Variants in MICA observed in about 807,000 individuals in gnomAD.
MICA encodes MHC class I polypeptide-related sequence A, also known as HLA class I antigen.
MICA carries 18 observed loss-of-function variants against 34.3 expected under a neutral mutation model. The observed-to-expected ratio is 0.52, with a 90% confidence interval of 0.36 to 0.78. MICA has a LOEUF of 0.78. Among genes scored for constraint, MICA ranks in the 30% least tolerant of loss-of-function variants. The pLI, the probability that MICA is intolerant of heterozygous loss-of-function variation, is 0.00. For missense variants in MICA, 333 were observed against 409.4 expected (o/e 0.81, Z 1.61); for synonymous variants, 135 against 156.9 (o/e 0.86, Z 1.04).
chr6:31,412,382 CT>C lies in MICA; in HGVS notation c.951del (p.Gly318AlafsTer68), dbSNP rs41557819. On this transcript the variant is annotated frameshift_variant, in exon 5 of 6. Transcript: ENST00000449934. LOFTEE classifies it high-confidence loss of function. ...WQTFHVSAVA[A>X]GCCYFCYYYF... ...ACATTCCATGTTTCTGCTGTTGCTG[CT>C]GGCTGCTGCTATTTTTGTTATTATT... 19 of 1,210,692 alleles carry C rather than the reference CT, an allele frequency of 1.6e-5. No homozygotes were observed. Among genetic ancestry groups the C allele is most frequent in the Admixed American group, 2.7e-5 (1 of 37,614 alleles). 75.0% of individuals were successfully genotyped at this position (1,210,692 alleles called of 1,614,324 possible).
rs1771071543 is a variant in MICA at position 31,410,698 on chromosome 6, G to T, written c.226G>T (p.Val76Phe). The stretch of plus-strand genomic sequence containing the variant: ...GCCCCAGGGACAGTGGGCAGAAGAT[G>T]TCCTGGGAAATAAGACATGGGACAG... ...AKPQGQWAED[V>F]LGNKTWDRET... Residue 76 changes from valine to phenylalanine, a missense_variant, in exon 2 of 6, where the codon GTC (valine) becomes TTC (phenylalanine). Transcript: ENST00000449934. 1 of 1,613,012 alleles carries T rather than the reference G, an allele frequency of 6.2e-7. No individual in the cohort carries two copies. Among genetic ancestry groups the T allele is most frequent in the Non-Finnish European group, 8.5e-7 (1 of 1,179,868 alleles).
At chr6:31,407,473 T>C (rs1770812960) in intron 1 of MICA, among the ~76,000 whole-genome samples, 1 of 151,910 alleles carries the variant, frequency 6.6e-6, no homozygotes, top group East Asian at 1.9e-4. Flanking sequence ...TGACCTCAGG[T>C]GATCCACCTG....
rs1770594111 is a variant in MICA at position 31,403,861 on chromosome 6, C to A, written c.70+159C>A. On this transcript the variant is annotated intron_variant, in intron 1 of 5. Transcript: ENST00000449934. This position sits in a 1 kb window ranked among gnomAD's most constrained non-coding sequence, Gnocchi z 4.7. ...GCGGCCCGTTACCGCCACACTTCAG[C>A]CCTGCTTCCCCGTCACTTTTCAGTC... Among the ~76,000 whole-genome samples, 1 of 151,828 alleles carries A rather than the reference C, an allele frequency of 6.6e-6. No individual in the cohort carries two copies. The highest frequency in any genetic ancestry group is 1.5e-5 in the Non-Finnish European group (1 of 67,992).
chr6:31,411,186 C>G lies in MICA; in HGVS notation c.440C>G (p.Thr147Ser). ...GELFLSQNLE[T>S]EEWTVPQSSR... Reference sequence around the variant, plus strand: ...CTCTTCCTCTCCCAAAACCTGGAGACTGAGGAATGGACAGTGCCCCAGTCC... The same window carrying G: ...CTCTTCCTCTCCCAAAACCTGGAGAGTGAGGAATGGACAGTGCCCCAGTCC... Residue 147 changes from threonine (T) to serine (S), a missense_variant, in exon 3 of 6, where the codon ACT becomes AGT. Transcript: ENST00000449934. This position sits in a 1 kb window ranked among gnomAD's most constrained non-coding sequence, Gnocchi z 4.3. 6.2e-7 allele frequency: 1 copy of G among 1,613,424 alleles called. No individual in the cohort carries two copies. The highest frequency in any genetic ancestry group is 8.5e-7 in the Non-Finnish European group (1 of 1,179,972).
chr6:31,405,855 G>A (rs996052857), intron 1 of MICA, among the ~76,000 whole-genome samples: 3 of 151,740 alleles, frequency 2.0e-5, no homozygotes, highest in African/African-American at 7.3e-5. Flanking sequence ...CACTTCACAG[G>A]ATGACCTCCA....
chr6:31,411,414 C>T lies in MICA; in HGVS notation c.613+55C>T. 6.7e-7 allele frequency: 1 copy of T among 1,491,806 alleles called. No homozygotes were observed. 92.4% of individuals were successfully genotyped at this position (1,491,806 alleles called of 1,614,324 possible). On this transcript the variant is annotated intron_variant, in intron 3 of 5. Transcript: ENST00000449934. This position sits in a 1 kb window ranked among gnomAD's most constrained non-coding sequence, Gnocchi z 4.3. Reference sequence around the variant, plus strand: ...CCCTCCAATTCTGCTAGAGTTGCCTCACCTCCCAGATGTGTCCAGGGAAAC... The same window carrying T: ...CCCTCCAATTCTGCTAGAGTTGCCTTACCTCCCAGATGTGTCCAGGGAAAC...
chr6:31,404,941 G>A (rs2507968), intron 1 of MICA, among the ~76,000 whole-genome samples: 126,828 of 151,012 alleles, frequency 0.84, 53,664 homozygotes, highest in African/African-American at 0.92. Flanking sequence ...TGCTGCTCCT[G>A]TCTCTTGCCC....
At chr6:31,406,570 T>C (rs146886738) in intron 1 of MICA, among the ~76,000 whole-genome samples, 55 of 152,030 alleles carry the variant, frequency 3.6e-4, no homozygotes, top group Middle Eastern at 3.4e-3. Context: ...TATGATCCCA[T>C]TTATGCAATT....
chr6:31,405,668 T>C (rs2923003), intron 1 of MICA, among the ~76,000 whole-genome samples: 4,364 of 151,836 alleles, frequency 0.029, 84 homozygotes, highest in South Asian at 0.048. Context: ...TTCATTCTAA[T>C]TATATTTTTG....
At chr6:31,412,300 T>C in intron 4 of MICA, 25 bp from the exon 5 acceptor site, 1 of 1,597,978 alleles carries the variant, frequency 6.3e-7, no homozygotes, top group Non-Finnish European at 8.5e-7. Context: ...CTCTGCCCAG[T>C]GTATAACAAG....
Position 31,411,185 on chromosome 6 carries a change from A to T in MICA, c.439A>T (p.Thr147Ser), listed in dbSNP as rs41539919. 69 of 1,613,302 alleles carry T rather than the reference A, an allele frequency of 4.3e-5. 2 individuals carry two copies. The East Asian group carries it at 1.2e-3, about 28-fold the overall frequency. The change falls in exon 3 of 6, where the codon ACT becomes TCT. Residue 147 changes from threonine (T) to serine (S), a missense_variant. Coordinates refer to ENST00000449934, the MANE Select transcript of MICA (RefSeq NM_001177519.3). This position sits in a 1 kb window ranked among gnomAD's most constrained non-coding sequence, Gnocchi z 4.3. ...GELFLSQNLETEEWTVPQSSR... is the reference protein window; with the variant it reads ...GELFLSQNLESEEWTVPQSSR... The stretch of plus-strand genomic sequence containing the variant: ...GCTCTTCCTCTCCCAAAACCTGGAG[A>T]CTGAGGAATGGACAGTGCCCCAGTC...
Position 31,411,445 on chromosome 6 carries a change from C to T in MICA, c.613+86C>T. 1 of 1,322,382 alleles carries T rather than the reference C, an allele frequency of 7.6e-7. No individual in the cohort carries two copies. The highest frequency in any genetic ancestry group is 1.0e-6 in the Non-Finnish European group (1 of 979,372). The allele number at this position is 1,322,382 out of a possible 1,614,324, so 81.9% of individuals were successfully genotyped here. ...CCAGATGTGTCCAGGGAAACCCTCC[C>T]TGTGCTATGGATGAAGGCATTTCCT... On this transcript the variant is annotated intron_variant, in intron 3 of 5. Transcript: ENST00000449934. The surrounding 1 kb of genome is among the most constrained non-coding windows in gnomAD (Gnocchi z 4.3).
intron 1 of MICA, among the ~76,000 whole-genome samples, chr6:31,404,146 T>C (rs1294595944): frequency 1.3e-5 from 2 of 151,628 alleles, no homozygotes; most frequent in African/African-American, 2.4e-5. Flanking sequence ...CGACGTGTTC[T>C]CAGCTCCTGG....
intron 5 of MICA, among the ~76,000 whole-genome samples, 168 bp from the exon 6 acceptor site, chr6:31,414,844 C>T (rs9266822): frequency 0.32 from 48,468 of 151,440 alleles, 8,336 homozygotes; most frequent in African/African-American, 0.4. Flanking sequence ...AGGGAACTGG[C>T]AGGGGCTGGG....
At chr6:31,404,766 C>T (rs1770659700) in intron 1 of MICA, among the ~76,000 whole-genome samples, 2 of 151,814 alleles carry the variant, frequency 1.3e-5, no homozygotes, top group African/African-American at 4.8e-5. Context: ...GCGCAGATGC[C>T]CCCTCCCCTC....
chr6:31,403,781 GCTGTGCGGTCAGGGCGGGGCTC>G lies in MICA; in HGVS notation c.70+86_70+107del. 7.2e-7 allele frequency: 1 copy of G among 1,385,904 alleles called. No individual in the cohort carries two copies. Among genetic ancestry groups the G allele is most frequent in the Non-Finnish European group, 9.7e-7 (1 of 1,029,634 alleles). 85.9% of individuals were successfully genotyped at this position (1,385,904 alleles called of 1,614,324 possible). On this transcript the variant is annotated intron_variant, in intron 1 of 5. Coordinates refer to ENST00000449934, the MANE Select transcript of MICA (RefSeq NM_001177519.3). The surrounding 1 kb of genome is among the most constrained non-coding windows in gnomAD (Gnocchi z 4.7). ...GGGGGTCGGGTGGGTAGCGGCGAGC[GCTGTGCGGTCAGGGCGGGGCTC>G]CTGTGCCCTGTCGGTGGCGCAGGGA... is the stretch of plus-strand genomic sequence containing the variant.
In MICA at chr6:31,412,043, T is replaced by C. The variant is rs1191051008; in HGVS notation, c.710T>C (p.Leu237Pro). The change falls in exon 4 of 6, where the codon CTG becomes CCG. Residue 237 changes from leucine (L) to proline (P), a missense_variant. Physicochemically the swap from Leu to Pro is moderately conservative, Grantham distance 98. Transcript: ENST00000449934. ...AGCTTCTATCCCCGGAATATCATAC[T>C]GACCTGGCGTCAGGATGGGGTATCT... ...ASSFYPRNII[L>P]TWRQDGVSLS... is the part of the protein sequence containing the mutation. 6.2e-7 allele frequency: 1 copy of C among 1,612,950 alleles called. No individual in the cohort carries two copies. The highest frequency in any genetic ancestry group is 8.5e-7 in the Non-Finnish European group (1 of 1,179,860).
intron 5 of MICA, among the ~76,000 whole-genome samples, chr6:31,414,251 G>A (rs1022813755): frequency 4.2e-5 from 6 of 142,266 alleles, no homozygotes; most frequent in East Asian, 2.0e-4. Context: ...GGCAGTGGCC[G>A]GGTGGAATCC....
intron 1 of MICA, among the ~76,000 whole-genome samples, chr6:31,406,413 T>TG (rs1179258297): frequency 6.6e-6 from 1 of 151,592 alleles, no homozygotes; most frequent in Non-Finnish European, 1.5e-5. Context: ...ATTATATTTT[T>TG]TTTCCTATAG....
Sources: allele counts gnomAD v4.1 joint callset (sites outside exome capture counted in the v4.1 genomes callset), GRCh38; gene constraint gnomAD v4.1.1; non-coding constraint Gnocchi (gnomAD v3.1); transcripts MANE v1.5; gene names NCBI Gene and HGNC (gene_info 2026-07-23, HGNC 2026-07-21).